The following PRKCB variants were observed in gnomAD, a reference collection of about 807,000 sequenced individuals.
PRKCB encodes protein kinase C beta type.
A neutral mutation model predicts 81.5 loss-of-function variants in PRKCB; 13 were observed. The ratio of observed to expected loss-of-function variants is 0.16; its 90% CI spans 0.10 to 0.25. The LOEUF (loss-of-function observed/expected upper bound fraction) is 0.25. Among genes scored for constraint, PRKCB ranks in the 10% least tolerant of loss-of-function variants. The pLI, the probability that PRKCB is intolerant of heterozygous loss-of-function variation, is 1.00. For missense variants in PRKCB, 509 were observed against 875.7 expected, an observed-to-expected ratio of 0.58 and a Z score of 5.29; for synonymous variants, 335 against 321.4, an observed-to-expected ratio of 1.04 and a Z score of -0.45.
intron 2 of PRKCB, among the ~76,000 whole-genome samples, chr16:23,865,204 A>T (rs1962749725): frequency 1.3e-5 from 2 of 152,012 alleles, no homozygotes; most frequent in Admixed American, 1.3e-4. Flanking sequence ...TTTCCTTTGC[A>T]CACAACCTCA....
intron 2 of PRKCB, among the ~76,000 whole-genome samples, chr16:23,870,422 A>G (rs1962884616): frequency 6.6e-6 from 1 of 152,198 alleles, no homozygotes; most frequent in South Asian, 2.1e-4. Context: ...TAGTTATTTA[A>G]TCTATTGTCA....
intron 5 of PRKCB, among the ~76,000 whole-genome samples, chr16:24,055,467 G>A (rs1342566927): frequency 1.3e-5 from 2 of 152,312 alleles, no homozygotes; most frequent in Non-Finnish European, 2.9e-5. Flanking sequence ...CTTTCACGTC[G>A]GCTTCTCTGG....
chr16:23,895,157 TTTAA>T (rs1336854271), intron 2 of PRKCB, among the ~76,000 whole-genome samples: 4 of 152,180 alleles, frequency 2.6e-5, no homozygotes, highest in Non-Finnish European at 2.9e-5. Flanking sequence ...AGAATAAGCA[TTTAA>T]TTGAGTCTCT....
At chr16:23,902,984 CT>C (rs1288943175) in intron 2 of PRKCB, among the ~76,000 whole-genome samples, 34 of 34,970 alleles carry the variant, frequency 9.7e-4, no homozygotes, top group African/African-American at 4.4e-3. Context: ...TTAGTTTTTT[CT>C]TTTCTTTTTT....
chr16:24,159,681 G>C (rs995733563), intron 10 of PRKCB, among the ~76,000 whole-genome samples: 2 of 152,108 alleles, frequency 1.3e-5, no homozygotes. Context: ...TCACATTCCT[G>C]GTTTTGGCTT....
intron 9 of PRKCB, among the ~76,000 whole-genome samples, chr16:24,150,396 T>TGAGG (rs1168082609): frequency 6.6e-6 from 1 of 152,182 alleles, no homozygotes; most frequent in East Asian, 1.9e-4. Flanking sequence ...TATTCTCTGT[T>TGAGG]GAGGGACCCA....
At chr16:23,841,398 C>T (rs777659535) in intron 2 of PRKCB, among the ~76,000 whole-genome samples, 5 of 152,068 alleles carry the variant, frequency 3.3e-5, no homozygotes, top group Non-Finnish European at 7.4e-5. Context: ...GCATTCTTTA[C>T]AGGAACTTAG....
chr16:24,112,556 T>TAACAACAAC (rs755867016), intron 7 of PRKCB, among the ~76,000 whole-genome samples: 2 of 151,838 alleles, frequency 1.3e-5, no homozygotes, highest in African/African-American at 4.8e-5. Context: ...ACAACAACAA[T>TAACAACAAC]AACAACAACA....
At chr16:24,146,617 C>T (rs1966994193) in intron 9 of PRKCB, among the ~76,000 whole-genome samples, 1 of 152,154 alleles carries the variant, frequency 6.6e-6, no homozygotes, top group Admixed American at 6.5e-5. Flanking sequence ...GCACGCTTTG[C>T]CATTGGGATT....
chr16:24,043,155 A>G (rs1226413316), intron 5 of PRKCB, among the ~76,000 whole-genome samples: 1 of 152,226 alleles, frequency 6.6e-6, no homozygotes, highest in Non-Finnish European at 1.5e-5. Context: ...AAGGGAAGGT[A>G]TGAACCAGAG....
At chr16:23,940,722 A>G (rs1054952306) in intron 2 of PRKCB, among the ~76,000 whole-genome samples, 3 of 152,170 alleles carry the variant, frequency 2.0e-5, no homozygotes, top group Admixed American at 6.6e-5. Context: ...TAGAAGTGAG[A>G]AAGGACTTAT....
chr16:24,195,636 A>G (rs1382418775), intron 16 of PRKCB, among the ~76,000 whole-genome samples: 1 of 152,194 alleles, frequency 6.6e-6, no homozygotes, highest in Non-Finnish European at 1.5e-5. Context: ...TTGAAACTGT[A>G]TTGAAATACA....
intron 2 of PRKCB, among the ~76,000 whole-genome samples, chr16:23,916,936 T>C (rs1963750094): frequency 2.8e-3 from 1 of 360 alleles, no homozygotes; most frequent in African/African-American, 0.045. Context: ...ATTTTTGTAT[T>C]TTTTTTTTTC....
intron 7 of PRKCB, among the ~76,000 whole-genome samples, chr16:24,100,621 C>T (rs1484118510): frequency 6.6e-6 from 1 of 152,186 alleles, no homozygotes; most frequent in Non-Finnish European, 1.5e-5. Flanking sequence ...ACCCACCTCT[C>T]CCCACCACCT....
rs575269024 is a variant in PRKCB at position 24,089,789 on chromosome 16, T to A, written c.530-3002T>A. Among the ~76,000 whole-genome samples the A allele has an allele frequency of 4.8e-3, 724 of 149,952 alleles. 2 individuals carry two copies. The highest frequency in any genetic ancestry group is 0.012 in the South Asian group (57 of 4,738). ...GACCTTGTCTCTCTCTCTCTCTCTC[T>A]CACACACACACACACAACAAAAACG... On this transcript the variant is annotated intron_variant, in intron 5 of 16. Coordinates refer to ENST00000643927, the MANE Select transcript of PRKCB (RefSeq NM_002738.7).
At position 24,088,702 on chromosome 16, in the gene PRKCB, G is replaced by A. The variant is rs1262969580; in HGVS notation, c.530-4089G>A. Among the ~76,000 whole-genome samples the A allele has an allele frequency of 2.2e-5, 3 of 134,770 alleles. 1 individual carries two copies. The highest frequency in any genetic ancestry group is 2.1e-4 in the East Asian group (1 of 4,792). 88.4% of individuals were successfully genotyped at this position (134,770 alleles called of 152,430 possible). A position where few individuals can be genotyped will look rare whatever the true frequency, so the allele number is the denominator to read the frequency against. ...CGTGATCGCGCCACCGCACTCCAGC[G>A]AGACCCTGTGTCAAAAAAAAAAAAA... On this transcript the variant is annotated intron_variant, in intron 5 of 16. Transcript: ENST00000643927.
rs1050414552 is a variant in PRKCB, at chr16:23,904,365, T to C, written c.205+66959T>C. On this transcript the variant is annotated intron_variant, in intron 2 of 16. Coordinates refer to ENST00000643927, the MANE Select transcript of PRKCB (RefSeq NM_002738.7). ...AAGAATTAAATATGTCAGTATTGGC[T>C]AAAACACTTAGAGGAAGCTGGGCGT... is the stretch of plus-strand genomic sequence containing the variant. 2.0e-5 allele frequency among the ~76,000 whole-genome samples: 3 copies of C among 152,180 alleles called. No homozygotes were observed. The East Asian group carries it at 5.8e-4, about 29-fold the overall frequency.
chr16:24,180,289 C>T (rs1340645034), intron 12 of PRKCB, among the ~76,000 whole-genome samples: 1 of 152,102 alleles, frequency 6.6e-6, no homozygotes, highest in East Asian at 1.9e-4. Flanking sequence ...TGGGTCATGT[C>T]CTAGAAGGTG....
intron 4 of PRKCB, among the ~76,000 whole-genome samples, chr16:24,034,925 C>T (rs901662402): frequency 6.6e-6 from 1 of 152,216 alleles, no homozygotes; most frequent in African/African-American, 2.4e-5. Flanking sequence ...CCGTCTCAGA[C>T]TCTTTCCAGG....
Sources: allele counts gnomAD v4.1 joint callset (sites outside exome capture counted in the v4.1 genomes callset), GRCh38; gene constraint gnomAD v4.1.1; transcripts MANE v1.5; gene names NCBI Gene and HGNC (gene_info 2026-07-23, HGNC 2026-07-21).